Variants in FBLN1 observed in about 807,000 individuals in gnomAD.
FBLN1 encodes fibulin-1.
A neutral mutation model predicts 89.7 loss-of-function variants in FBLN1; 34 were observed. The observed-to-expected ratio is 0.38, with a 90% CI of 0.29 to 0.50. The LOEUF is 0.50. FBLN1 is among the 20% of genes least tolerant of loss of function. The probability of loss-of-function intolerance (pLI) is 0.92; values close to 1 mark genes in which losing one functional copy is unlikely to be tolerated. For synonymous variants in FBLN1, 393 were observed against 391.3 expected, an observed-to-expected ratio of 1.00 and a Z score of -0.05; for missense variants, 777 against 988.1, an observed-to-expected ratio of 0.79 and a Z score of 2.86.
rs138312931 is a variant in FBLN1, at chr22:45,600,400, G to A, written c.2066G>A (p.Arg689Gln). ...NYVVGGVVSH[R>Q]NVVNVHIFVS... ...GTGGTCGGGGGCGTGGTCTCCCACCGAAATGTTGTCAACGTCCACATCTTC... is the reference window on the plus strand; with the variant it reads ...GTGGTCGGGGGCGTGGTCTCCCACCAAAATGTTGTCAACGTCCACATCTTC... The change falls in exon 17 of 17, where the codon CGA becomes CAA. Residue 689 changes from arginine to glutamine, a missense_variant. By Grantham distance (43) the Arg-to-Gln change is conservative. Coordinates refer to ENST00000327858, the MANE Select transcript of FBLN1 (RefSeq NM_006486.3). The A allele has an allele frequency of 1.2e-4, 195 of 1,614,198 alleles. No homozygotes were observed. Among genetic ancestry groups the A allele is most frequent in the Middle Eastern group, 3.3e-4 (2 of 6,062 alleles).
chr22:45,525,998 G>C (rs2088322931), intron 3 of FBLN1, among the ~76,000 whole-genome samples: 2 of 152,214 alleles, frequency 1.3e-5, no homozygotes, highest in South Asian at 4.1e-4. Context: ...CTCCTCCTGG[G>C]CTTCCAGAAT....
Position 45,508,198 on chromosome 22 carries a change from C to T in FBLN1, c.79+5134C>T, listed in dbSNP as rs184271374. Reference sequence around the variant, plus strand: ...AGGTAGCAAGACTGTGGGTGCATAGCTGCTAAGTGACAGCAGCAGGACTTG... The same window carrying T: ...AGGTAGCAAGACTGTGGGTGCATAGTTGCTAAGTGACAGCAGCAGGACTTG... On this transcript the variant is annotated intron_variant, in intron 1 of 16. Coordinates refer to ENST00000327858, the MANE Select transcript of FBLN1 (RefSeq NM_006486.3). Among the ~76,000 whole-genome samples the T allele has an allele frequency of 9.7e-4, 147 of 152,250 alleles. No individual in the cohort carries two copies. The South Asian group carries it at 0.016, about 16-fold the overall frequency.
At position 45,583,415 on chromosome 22, in the gene FBLN1, C is replaced by T. The variant is rs2089058787; in HGVS notation, c.1972+6307C>T. On this transcript the variant is annotated intron_variant, in intron 16 of 16. Coordinates refer to ENST00000327858, the MANE Select transcript of FBLN1 (RefSeq NM_006486.3). This position sits in a 1 kb window ranked among gnomAD's most constrained non-coding sequence, Gnocchi z 4.5. ...ACCTTAGACATGGTCACCTATATTA[C>T]ATTTAGGAAGGAAACGCCCTAATTG... Among the ~76,000 whole-genome samples the T allele has an allele frequency of 6.6e-6, 1 of 152,182 alleles. No homozygotes were observed. The highest frequency in any genetic ancestry group is 2.4e-5 in the African/African-American group (1 of 41,434).
intron 1 of FBLN1, among the ~76,000 whole-genome samples, chr22:45,513,943 A>G (rs1311403848): frequency 6.6e-6 from 1 of 152,032 alleles, no homozygotes; most frequent in Non-Finnish European, 1.5e-5. Context: ...ACAGGCATGC[A>G]CCACACGCCT....
intron 14 of FBLN1, among the ~76,000 whole-genome samples, chr22:45,552,672 G>A (rs146172132): frequency 3.5e-4 from 54 of 152,360 alleles, no homozygotes; most frequent in East Asian, 2.7e-3. Flanking sequence ...GGACTGCAGA[G>A]TCCGCTGCTG....
At chr22:45,560,488 C>G (rs2088838211) in intron 14 of FBLN1, among the ~76,000 whole-genome samples, 1 of 152,168 alleles carries the variant, frequency 6.6e-6, no homozygotes, top group Admixed American at 6.5e-5. Context: ...CCAAGGAAGA[C>G]CAAGCATTTC....
At chr22:45,591,530 A>G (rs1049008172) in intron 16 of FBLN1, among the ~76,000 whole-genome samples, 1 of 152,168 alleles carries the variant, frequency 6.6e-6, no homozygotes, top group Non-Finnish European at 1.5e-5. Context: ...ATAACCATCA[A>G]GAAATACGGA....
chr22:45,582,858 C>T (rs1183753612), intron 16 of FBLN1, among the ~76,000 whole-genome samples: 1 of 152,162 alleles, frequency 6.6e-6, no homozygotes, highest in Non-Finnish European at 1.5e-5. Flanking sequence ...GGTTTGATCT[C>T]TGAGATGTTT....
At position 45,579,697 on chromosome 22, in the gene FBLN1, G is replaced by C. The variant is rs2089027094; in HGVS notation, c.1972+2589G>C. On this transcript the variant is annotated intron_variant, in intron 16 of 16. Transcript: ENST00000327858. This position sits in a 1 kb window ranked among gnomAD's most constrained non-coding sequence, Gnocchi z 5.5. ...TGGAAGACTGAGACCAGGGAGGCAA[G>C]CCCTGCGTGTTGGGACCTAGGCTGC... Among the ~76,000 whole-genome samples the C allele has an allele frequency of 6.6e-6, 1 of 152,198 alleles. No individual in the cohort carries two copies. The highest frequency in any genetic ancestry group is 6.5e-5 in the Admixed American group (1 of 15,286).
In FBLN1 at chr22:45,556,865, A is replaced by T. The variant is rs901988880; in HGVS notation, c.1697+6250A>T. On this transcript the variant is annotated intron_variant, in intron 14 of 16. Transcript: ENST00000327858. The surrounding 1 kb of genome is among the most constrained non-coding windows in gnomAD (Gnocchi z 4.6). The stretch of plus-strand genomic sequence containing the variant: ...TAATGTTGCAGGAACAGGAAGCAAA[A>T]ATTTTGCTAGTGGATCACTAGGGGT... Among the ~76,000 whole-genome samples the T allele has an allele frequency of 5.3e-5, 8 of 152,050 alleles. No individual in the cohort carries two copies. Among genetic ancestry groups the T allele is most frequent in the African/African-American group, 1.4e-4 (6 of 41,394 alleles).
chr22:45,589,080 TA>T (rs1809484488), intron 16 of FBLN1, among the ~76,000 whole-genome samples: 2 of 49,326 alleles, frequency 4.1e-5, no homozygotes, highest in South Asian at 1.7e-3. Flanking sequence ...TATATAAAAA[TA>T]TTTTTTATAT....
rs960017965 is a variant in FBLN1 at position 45,588,988 on chromosome 22, A to G, written c.1973-11319A>G. ...CATTCCATCTGTGGCCAAGGCTATCACAGTCCTCAAATTAACAGCAAACCC... is the reference window on the plus strand; with the variant it reads ...CATTCCATCTGTGGCCAAGGCTATCGCAGTCCTCAAATTAACAGCAAACCC... On this transcript the variant is annotated intron_variant, in intron 16 of 16. Coordinates refer to ENST00000327858, the MANE Select transcript of FBLN1 (RefSeq NM_006486.3). The surrounding 1 kb of genome is among the most constrained non-coding windows in gnomAD (Gnocchi z 5.1). 6.6e-6 allele frequency among the ~76,000 whole-genome samples: 1 copy of G among 151,532 alleles called. No homozygotes were observed. The highest frequency in any genetic ancestry group is 1.5e-5 in the Non-Finnish European group (1 of 67,936).
At chr22:45,551,964 C>G (rs979520668) in intron 14 of FBLN1, among the ~76,000 whole-genome samples, 2 of 152,256 alleles carry the variant, frequency 1.3e-5, no homozygotes, top group Non-Finnish European at 2.9e-5. Context: ...GGGGCCCTGG[C>G]GCCTCCTAAG....
intron 6 of FBLN1, 43 bp from the exon 7 acceptor site, chr22:45,533,718 T>C (rs772506222): frequency 6.2e-7 from 1 of 1,600,866 alleles, no homozygotes; most frequent in Admixed American, 1.7e-5. Context: ...TTAGGATGGG[T>C]CGTTCTTGCT....
intron 1 of FBLN1, among the ~76,000 whole-genome samples, chr22:45,509,879 G>A (rs1407926936): frequency 6.6e-6 from 1 of 152,106 alleles, no homozygotes; most frequent in Non-Finnish European, 1.5e-5. Flanking sequence ...AGACAATGCT[G>A]TGGGGCAGGT....
intron 14 of FBLN1, among the ~76,000 whole-genome samples, chr22:45,567,951 G>C (rs2088913245): frequency 6.6e-6 from 1 of 152,178 alleles, no homozygotes; most frequent in Non-Finnish European, 1.5e-5. Context: ...AGAGCCAGTG[G>C]GAGGGAGGAA....
intron 16 of FBLN1, among the ~76,000 whole-genome samples, chr22:45,594,722 A>G (rs1012116165): frequency 3.1e-4 from 46 of 150,080 alleles, no homozygotes; most frequent in Admixed American, 2.7e-3. Flanking sequence ...GGATGGATGG[A>G]TGGATGGATA....
intron 16 of FBLN1, among the ~76,000 whole-genome samples, chr22:45,591,789 G>A (rs1268898289): frequency 1.1e-5 from 1 of 93,530 alleles, no homozygotes; most frequent in East Asian, 2.5e-4. Context: ...TGTCCTGCGC[G>A]CCATTTTGCA....
In FBLN1 at chr22:45,530,031, GC is replaced by G. The variant is rs1230166029; in HGVS notation, c.485-1230del. Among the ~76,000 whole-genome samples, 3 of 151,876 alleles carry G rather than the reference GC, an allele frequency of 2.0e-5. No homozygotes were observed. Among genetic ancestry groups the G allele is most frequent in the Non-Finnish European group, 2.9e-5 (2 of 68,006 alleles). ...TAGGTTTTCAAGTCCAGGCTGTAGG[GC>G]CCCTGGTCACAGAGGACCCGGGTCA... On this transcript the variant is annotated intron_variant, in intron 4 of 16. Coordinates refer to ENST00000327858, the MANE Select transcript of FBLN1 (RefSeq NM_006486.3). The surrounding 1 kb of genome is among the most constrained non-coding windows in gnomAD (Gnocchi z 5.4).
Sources: gnomAD v4.1 joint callset for allele counts (sites outside exome capture counted in the v4.1 genomes callset) on GRCh38, gnomAD v4.1.1 for gene constraint, Gnocchi (gnomAD v3.1) non-coding constraint, MANE v1.5 for transcripts, NCBI Gene and HGNC (gene_info 2026-07-23, HGNC 2026-07-21) for gene names.